TMEM45B: variants seen among roughly 807,000 people sequenced by gnomAD.
The protein encoded by TMEM45B is transmembrane protein 45B.
TMEM45B carries 29 observed loss-of-function variants against 27.3 expected under a neutral mutation model. That is an observed-to-expected ratio of 1.06 (90% confidence interval 0.79 to 1.45). The LOEUF is 1.45. TMEM45B is among the 40% of genes most tolerant of loss of function. TMEM45B has a pLI of 0.00. For synonymous variants in TMEM45B, 143 were observed against 134.7 expected, an observed-to-expected ratio of 1.06 and a Z score of -0.43; for missense variants, 348 against 343.9, an observed-to-expected ratio of 1.01 and a Z score of -0.09.
intron 1 of TMEM45B, among the ~76,000 whole-genome samples, chr11:129,833,111 G>A (rs371632932): frequency 1.4e-4 from 21 of 151,956 alleles, no homozygotes; most frequent in Non-Finnish European, 2.2e-4. Flanking sequence ...TTGTGGTGGC[G>A]CACCTGTAGT....
intron 1 of TMEM45B, among the ~76,000 whole-genome samples, chr11:129,826,421 T>C (rs11221867): frequency 0.13 from 19,108 of 150,662 alleles, 1,233 homozygotes; most frequent in African/African-American, 0.16. Flanking sequence ...TGGTGGCGGG[T>C]GCCTGTAGTC....
At chr11:129,824,461 A>G (rs569500808) in intron 1 of TMEM45B, among the ~76,000 whole-genome samples, 8 of 152,286 alleles carry the variant, frequency 5.3e-5, no homozygotes, top group Non-Finnish European at 7.4e-5. Flanking sequence ...ATCTGGGGGG[A>G]AAGGATTCAC....
At chr11:129,822,342 T>C (rs962575421) in intron 1 of TMEM45B, among the ~76,000 whole-genome samples, 1 of 152,204 alleles carries the variant, frequency 6.6e-6, no homozygotes, top group Non-Finnish European at 1.5e-5. Flanking sequence ...ACGTTTAATG[T>C]TGCTTTTGGC....
At chr11:129,820,900 A>G (rs186474445) in intron 1 of TMEM45B, among the ~76,000 whole-genome samples, 1 of 152,278 alleles carries the variant, frequency 6.6e-6, no homozygotes, top group Admixed American at 6.5e-5. Context: ...TATTCTAAAT[A>G]GCATGCAGAT....
chr11:129,836,676 A>T (rs1004115073), intron 1 of TMEM45B, among the ~76,000 whole-genome samples: 1 of 152,202 alleles, frequency 6.6e-6, no homozygotes, highest in African/African-American at 2.4e-5. Flanking sequence ...CGACCATGTG[A>T]GGACACTGAG....
chr11:129,837,585 C>CTTTTGTTTTTTTTTTTTTTTTTTTTTTTT (rs1363107158), intron 1 of TMEM45B, among the ~76,000 whole-genome samples: 1 of 80,294 alleles, frequency 1.2e-5, no homozygotes, highest in South Asian at 5.0e-4. Flanking sequence ...CTGCACTGGG[C>CTTTTGTTTTTTTTTTTTTTTTTTTTTTTT]TTTTTTTTTT....
intron 1 of TMEM45B, 87 bp from the exon 2 acceptor site, chr11:129,852,388 C>A (rs1486978677): frequency 4.8e-5 from 58 of 1,206,652 alleles, no homozygotes; most frequent in Non-Finnish European, 6.7e-5. Context: ...GATTTGCAAT[C>A]TCAGGCACGT....
chr11:129,822,354 T>G (rs1411608724), intron 1 of TMEM45B, among the ~76,000 whole-genome samples: 1 of 152,220 alleles, frequency 6.6e-6, no homozygotes, highest in Non-Finnish European at 1.5e-5. Flanking sequence ...GCTTTTGGCC[T>G]GCCTTTCACG....
At chr11:129,825,502 A>G (rs1300089594) in intron 1 of TMEM45B, among the ~76,000 whole-genome samples, 1 of 151,976 alleles carries the variant, frequency 6.6e-6, no homozygotes, top group African/African-American at 2.4e-5. Context: ...AGGTTGTTGG[A>G]TCTATGAGTC....
chr11:129,824,523 C>G (rs538160797), intron 1 of TMEM45B, among the ~76,000 whole-genome samples: 7 of 152,288 alleles, frequency 4.6e-5, no homozygotes, highest in African/African-American at 1.7e-4. Context: ...ACTTACCTAG[C>G]TCTAAGAATT....
chr11:129,836,630 A>T (rs1184572137), intron 1 of TMEM45B, among the ~76,000 whole-genome samples: 2 of 152,128 alleles, frequency 1.3e-5, no homozygotes, highest in African/African-American at 4.8e-5. Context: ...CAGTATGAGT[A>T]ATGTCCTTAT....
chr11:129,855,535 T>C (rs540279927), intron 3 of TMEM45B, among the ~76,000 whole-genome samples, 173 bp from the exon 4 acceptor site: 5 of 152,328 alleles, frequency 3.3e-5, no homozygotes, highest in African/African-American at 9.6e-5. Context: ...CTTGCTGCTT[T>C]ATACTCCTAA....
intron 4 of TMEM45B, 74 bp from the exon 5 acceptor site, chr11:129,857,239 G>A: frequency 5.1e-6 from 8 of 1,573,482 alleles, no homozygotes; most frequent in Non-Finnish European, 7.0e-6. Context: ...CCACTTCGGT[G>A]GCCACAGGAG....
chr11:129,852,634 C>T lies in TMEM45B; in HGVS notation c.152C>T (p.Ala51Val). ...CAGCGTCTCGAGATCGTCGAAGCCGCAATTAGGACTTTGTTTTCCGTCACT... is the reference window on the plus strand; with the variant it reads ...CAGCGTCTCGAGATCGTCGAAGCCGTAATTAGGACTTTGTTTTCCGTCACT... ...YYQRLEIVEAAIRTLFSVTGI... is the reference protein window; with the variant it reads ...YYQRLEIVEAVIRTLFSVTGI... Residue 51 changes from alanine to valine, a missense_variant, in exon 2 of 6, where the codon GCA (alanine) becomes GTA (valine). Ala to Val is a moderately conservative substitution (Grantham distance 64). Transcript: ENST00000281441. The T allele has an allele frequency of 6.2e-7, 1 of 1,609,480 alleles. No individual in the cohort carries two copies. Among genetic ancestry groups the T allele is most frequent in the Non-Finnish European group, 8.5e-7 (1 of 1,176,102 alleles).
At chr11:129,851,240 CCTT>C (rs1290167329) in intron 1 of TMEM45B, among the ~76,000 whole-genome samples, 1 of 152,086 alleles carries the variant, frequency 6.6e-6, no homozygotes, top group African/African-American at 2.4e-5. Context: ...TGGCCTAGTC[CCTT>C]CTTAAAAGTC....
At chr11:129,847,062 A>G (rs1947769871) in intron 1 of TMEM45B, among the ~76,000 whole-genome samples, 1 of 152,200 alleles carries the variant, frequency 6.6e-6, no homozygotes, top group Non-Finnish European at 1.5e-5. Flanking sequence ...AAACGAGTAT[A>G]ATGCAACTGC....
chr11:129,832,551 G>A (rs1403908194), intron 1 of TMEM45B, among the ~76,000 whole-genome samples: 1 of 151,834 alleles, frequency 6.6e-6, no homozygotes, highest in African/African-American at 2.4e-5. Flanking sequence ...GGGGGCTGGC[G>A]GGAAACGGGA....
At position 129,859,867 on chromosome 11, in the gene TMEM45B, C is replaced by T. The variant is rs1363944906; in HGVS notation, c.*1182C>T. The T allele has an allele frequency of 6.6e-6, 1 of 152,524 alleles. No homozygotes were observed. The highest frequency in any genetic ancestry group is 1.5e-5 in the Non-Finnish European group (1 of 68,054). 9.4% of individuals were successfully genotyped at this position (152,524 alleles called of 1,614,324 possible). ...TCAACAAATATTTATTAAATATCCA[C>T]TTTGCAACAGCACTGAAATGGCTGT... On this transcript the variant is annotated 3_prime_UTR_variant, in exon 6 of 6. Transcript: ENST00000281441.
intron 2 of TMEM45B, 93 bp downstream of exon 2, chr11:129,852,753 C>A: frequency 7.2e-7 from 1 of 1,389,296 alleles, no homozygotes; most frequent in South Asian, 1.4e-5. Flanking sequence ...GATGTTCCCA[C>A]TGGCAGAGAT....
Sources: allele counts gnomAD v4.1 joint callset (sites outside exome capture counted in the v4.1 genomes callset), GRCh38; gene constraint gnomAD v4.1.1; transcripts MANE v1.5; gene names NCBI Gene and HGNC (gene_info 2026-07-23, HGNC 2026-07-21).